Variants in DDAH1 observed in about 807,000 individuals in gnomAD.
The protein encoded by DDAH1 is dimethylarginine dimethylaminohydrolase 1.
In DDAH1, 19 loss-of-function variants were observed where a neutral mutation model predicts 28.8. That is an observed-to-expected ratio of 0.66 (90% CI 0.46 to 0.97). The LOEUF (loss-of-function observed/expected upper bound fraction) is 0.97. Ranked by LOEUF, DDAH1 falls within the 50% of genes least tolerant of loss-of-function variation. DDAH1 has a pLI of 0.00. For synonymous variants in DDAH1, 153 were observed against 154.4 expected, an observed-to-expected ratio of 0.99 and a Z score of 0.07; for missense variants, 326 against 375.9, an observed-to-expected ratio of 0.87 and a Z score of 1.10.
At chr1:85,349,557 T>C (rs61769484) in intron 4 of DDAH1, among the ~76,000 whole-genome samples, 27,551 of 152,240 alleles carry the variant, frequency 0.18, 2,947 homozygotes, top group Middle Eastern at 0.27. Context: ...CATTTATTAT[T>C]AGCACTATGA....
chr1:85,569,179 CCTTT>C (rs1424724246), intron 1 of DDAH1, among the ~76,000 whole-genome samples: 1 of 152,200 alleles, frequency 6.6e-6, no homozygotes, highest in Non-Finnish European at 1.5e-5. Flanking sequence ...GCTTATGTCT[CCTTT>C]CTGAGTTCAA....
At chr1:85,466,829 A>ATTTATTT (rs1158919618), upstream of DDAH1, among the ~76,000 whole-genome samples, 1 of 46,582 alleles carries the variant, frequency 2.1e-5, no homozygotes, top group East Asian at 6.0e-4. Flanking sequence ...TTCATTATTT[A>ATTTATTT]TTCTTTTTTT....
intron 1 of DDAH1, among the ~76,000 whole-genome samples, chr1:85,455,010 G>A (rs542934653): frequency 2.0e-5 from 3 of 152,220 alleles, no homozygotes; most frequent in Non-Finnish European, 2.9e-5. Flanking sequence ...AAAGGGAGCT[G>A]GAAAACCAGG....
At chr1:85,418,873 G>T (rs888330827) in intron 1 of DDAH1, among the ~76,000 whole-genome samples, 1 of 152,104 alleles carries the variant, frequency 6.6e-6, no homozygotes, top group Non-Finnish European at 1.5e-5. Flanking sequence ...CAGATTATAG[G>T]TCAGGACAGG....
At chr1:85,327,222 ACCT>A (rs1234694813) in intron 4 of DDAH1, among the ~76,000 whole-genome samples, 10 of 152,164 alleles carry the variant, frequency 6.6e-5, no homozygotes, top group Non-Finnish European at 1.2e-4. Flanking sequence ...ACCTGTAGTC[ACCT>A]CCTCAGGAGG....
chr1:85,406,857 T>C (rs569115601), intron 1 of DDAH1, among the ~76,000 whole-genome samples: 14 of 152,200 alleles, frequency 9.2e-5, no homozygotes, highest in African/African-American at 3.4e-4. Flanking sequence ...TTAAAAACTA[T>C]TATATTAAAG....
At chr1:85,436,301 T>C (rs915063210) in intron 1 of DDAH1, among the ~76,000 whole-genome samples, 1 of 152,180 alleles carries the variant, frequency 6.6e-6, no homozygotes, top group African/African-American at 2.4e-5. Context: ...TGATTTTTAA[T>C]AGAAATACTT....
intron 1 of DDAH1, chr1:85,399,367 T>C (rs1286398330): frequency 6.6e-6 from 1 of 152,214 alleles, no homozygotes; most frequent in Non-Finnish European, 1.5e-5. Flanking sequence ...ATGAATGACT[T>C]GTAGAGACCA....
chr1:85,449,650 A>T (rs1654578787), intron 1 of DDAH1, among the ~76,000 whole-genome samples: 1 of 152,162 alleles, frequency 6.6e-6, no homozygotes, highest in South Asian at 2.1e-4. Flanking sequence ...TTGCGGGTGA[A>T]GGATTAGCTG....
rs190259512 is a variant in DDAH1, at chr1:85,388,419, A to G, written c.304-29572T>C. On this transcript the variant is annotated intron_variant, in intron 1 of 5. Transcript: ENST00000284031. ...AATAGACAGTAATTGTCATTAAACT[A>G]TGAGATTACAGAAATAATGTGAATG... is the stretch of plus-strand genomic sequence containing the variant. 5.3e-4 allele frequency among the ~76,000 whole-genome samples: 81 copies of G among 152,338 alleles called. 1 individual carries two copies. The East Asian group carries it at 0.015, about 28-fold the overall frequency.
intron 1 of DDAH1, among the ~76,000 whole-genome samples, chr1:85,414,727 T>C (rs1652809631): frequency 6.6e-6 from 1 of 152,150 alleles, no homozygotes; most frequent in Non-Finnish European, 1.5e-5. Context: ...TGTGGAGTTG[T>C]TTCTAGGTTA....
chr1:85,514,670 A>G (rs866258882), intron 1 of DDAH1, among the ~76,000 whole-genome samples: 1 of 149,930 alleles, frequency 6.7e-6, no homozygotes, highest in Admixed American at 6.7e-5. Context: ...GGGTATTACT[A>G]TGGACTAATG....
intron 1 of DDAH1, among the ~76,000 whole-genome samples, chr1:85,377,177 G>A (rs1650718021): frequency 6.6e-6 from 1 of 152,160 alleles, no homozygotes; most frequent in African/African-American, 2.4e-5. Flanking sequence ...AGAGGCAGAA[G>A]CAGGATTAGA....
intron 1 of DDAH1, among the ~76,000 whole-genome samples, chr1:85,455,594 C>A (rs1380527679): frequency 6.6e-6 from 1 of 152,170 alleles, no homozygotes; most frequent in African/African-American, 2.4e-5. Flanking sequence ...TAAGTCAAGA[C>A]TTAGTTATAA....
At chr1:85,410,356 G>T (rs1652593122) in intron 1 of DDAH1, among the ~76,000 whole-genome samples, 7 of 150,528 alleles carry the variant, frequency 4.7e-5, no homozygotes, top group Admixed American at 4.6e-4. Context: ...AAAAGGAAAT[G>T]AGGCCGGGCA....
At chr1:85,337,105 T>A (rs978437235) in intron 4 of DDAH1, among the ~76,000 whole-genome samples, 5 of 152,144 alleles carry the variant, frequency 3.3e-5, no homozygotes, top group Non-Finnish European at 7.4e-5. Context: ...ACAAAAACCA[T>A]ATGATTAATA....
chr1:85,462,559 G>A (rs114265693), intron 1 of DDAH1, among the ~76,000 whole-genome samples: 1 of 150,826 alleles, frequency 6.6e-6, no homozygotes, highest in African/African-American at 2.4e-5. Flanking sequence ...AATCCATAGA[G>A]GGTCTTGAAG....
At chr1:85,341,323 G>A (rs1648462012) in intron 4 of DDAH1, among the ~76,000 whole-genome samples, 1 of 152,226 alleles carries the variant, frequency 6.6e-6, no homozygotes, top group Non-Finnish European at 1.5e-5. Context: ...AGAAGAGACA[G>A]TAATAAGAGG....
intron 1 of DDAH1, among the ~76,000 whole-genome samples, chr1:85,389,630 T>A (rs1236251560): frequency 6.6e-6 from 1 of 152,188 alleles, no homozygotes; most frequent in Admixed American, 6.5e-5. Context: ...TGTTGATGGC[T>A]ATATAACCAT....
Sources: allele counts gnomAD v4.1 joint callset (sites outside exome capture counted in the v4.1 genomes callset), GRCh38; gene constraint gnomAD v4.1.1; transcripts MANE v1.5; gene names NCBI Gene and HGNC (gene_info 2026-07-23, HGNC 2026-07-21).